Variants in SNX9 observed in about 807,000 individuals in gnomAD.
The protein encoded by SNX9 is sorting nexin 9.
Under a neutral mutation model 89.4 loss-of-function variants are expected in SNX9, and 44 were observed. The ratio of observed to expected loss-of-function variants is 0.49; its 90% CI spans 0.39 to 0.63. The LOEUF (loss-of-function observed/expected upper bound fraction) is 0.63, where lower values mean the gene tolerates loss of function less well. SNX9 is among the 30% of genes least tolerant of loss of function. The pLI, the probability that SNX9 is intolerant of heterozygous loss-of-function variation, is 0.00. For missense variants in SNX9, 578 were observed against 736.1 expected (o/e 0.79, Z 2.49); for synonymous variants, 236 against 247.8 (o/e 0.95, Z 0.45).
chr6:157,860,001 A>C (rs956403154), intron 1 of SNX9, among the ~76,000 whole-genome samples: 9 of 152,234 alleles, frequency 5.9e-5, no homozygotes, highest in Non-Finnish European at 1.2e-4. Context: ...GTTCCACTGG[A>C]ACGTGGCCAT....
intron 12 of SNX9, among the ~76,000 whole-genome samples, chr6:157,931,028 T>A (rs1300466464): frequency 6.6e-6 from 1 of 152,260 alleles, no homozygotes; most frequent in African/African-American, 2.4e-5. Flanking sequence ...CTCCATGTCC[T>A]GTGTAATTCA....
chr6:157,903,573 A>C (rs1783150845), intron 6 of SNX9, among the ~76,000 whole-genome samples: 1 of 152,214 alleles, frequency 6.6e-6, no homozygotes, highest in Admixed American at 6.5e-5. Context: ...TTAAATGTGA[A>C]TATAAAGTAT....
chr6:157,889,887 A>C (rs1033527), intron 4 of SNX9, among the ~76,000 whole-genome samples: 25,960 of 152,154 alleles, frequency 0.17, 2,354 homozygotes, highest in African/African-American at 0.2. Flanking sequence ...CCTCTACTGA[A>C]TGCATACTGT....
At chr6:157,864,604 T>C (rs562979815) in intron 1 of SNX9, among the ~76,000 whole-genome samples, 2 of 152,340 alleles carry the variant, frequency 1.3e-5, no homozygotes, top group East Asian at 3.9e-4. Flanking sequence ...AGGTTCCTCA[T>C]GCCCGTGAGT....
intron 1 of SNX9, among the ~76,000 whole-genome samples, chr6:157,826,352 T>C (rs1286507290): frequency 6.6e-6 from 1 of 151,630 alleles, no homozygotes; most frequent in African/African-American, 2.4e-5. Context: ...CAAAAAAAAT[T>C]AGCTGGGCGT....
chr6:157,909,810 A>G lies in SNX9; in HGVS notation c.831+20A>G, dbSNP rs1783299591. 6.2e-7 allele frequency: 1 copy of G among 1,613,352 alleles called. No homozygotes were observed. Among genetic ancestry groups the G allele is most frequent in the Non-Finnish European group, 8.5e-7 (1 of 1,179,668 alleles). ...CCTACTGTAAGTATCCACGTTATCA[A>G]AAGCAGAATCATGTTTGGATCACTG... On this transcript the variant is annotated intron_variant, in intron 8 of 17. Transcript: ENST00000392185.
chr6:157,939,567 T>A (rs569351713), intron 16 of SNX9, among the ~76,000 whole-genome samples: 1 of 152,130 alleles, frequency 6.6e-6, no homozygotes, highest in African/African-American at 2.4e-5. Context: ...GATGTGGTAC[T>A]GGGGAGAAGA....
At chr6:157,914,463 CTTTTTCTTT>C (rs1158142218) in intron 9 of SNX9, among the ~76,000 whole-genome samples, 6 of 96,626 alleles carry the variant, frequency 6.2e-5, no homozygotes, top group Non-Finnish European at 1.2e-4. Context: ...TTGTCATTTT[CTTTTTCTTT>C]TTTTTTTTTT....
intron 1 of SNX9, among the ~76,000 whole-genome samples, chr6:157,842,354 G>T (rs1259520904): frequency 6.6e-6 from 1 of 152,164 alleles, no homozygotes; most frequent in African/African-American, 2.4e-5. Context: ...TGCATGTCTT[G>T]CTTTTATCTT....
At chr6:157,873,787 C>G (rs1372722054) in intron 3 of SNX9, among the ~76,000 whole-genome samples, 1 of 152,036 alleles carries the variant, frequency 6.6e-6, no homozygotes, top group Non-Finnish European at 1.5e-5. Flanking sequence ...TTCCCATAGA[C>G]AGAGGGGTGT....
chr6:157,921,894 G>T (rs538561590), intron 10 of SNX9, among the ~76,000 whole-genome samples: 2 of 152,314 alleles, frequency 1.3e-5, no homozygotes, highest in Admixed American at 6.5e-5. Context: ...CTCAAGATGG[G>T]CAGGGGCAGG....
intron 2 of SNX9, chr6:157,872,790 C>CA: frequency 5.6e-6 from 1 of 179,156 alleles, no homozygotes. Context: ...GCTTCACATT[C>CA]AGAGCTGCAA....
intron 1 of SNX9, among the ~76,000 whole-genome samples, chr6:157,866,431 G>C (rs1440251397): frequency 6.6e-6 from 1 of 152,062 alleles, no homozygotes; most frequent in Non-Finnish European, 1.5e-5. Context: ...AAAATTAGCT[G>C]GGCAGGGTGG....
intron 1 of SNX9, among the ~76,000 whole-genome samples, chr6:157,855,513 G>A (rs1335328674): frequency 6.6e-6 from 1 of 152,174 alleles, no homozygotes; most frequent in Non-Finnish European, 1.5e-5. Context: ...TAAACCTTAT[G>A]CCCTTACCAG....
chr6:157,937,896 C>G (rs780790398), intron 15 of SNX9, among the ~76,000 whole-genome samples: 315 of 152,346 alleles, frequency 2.1e-3, no homozygotes, highest in Non-Finnish European at 2.9e-3. Flanking sequence ...TGCTTTATAA[C>G]TTAAATATCA....
At chr6:157,932,091 A>G (rs1783822766) in intron 12 of SNX9, 104 bp from the exon 13 acceptor site, 2 of 931,248 alleles carry the variant, frequency 2.1e-6, no homozygotes, top group Non-Finnish European at 3.4e-6. Flanking sequence ...TATATAGACT[A>G]TTTTGAATCA....
chr6:157,903,071 G>A (rs963032931), intron 6 of SNX9, among the ~76,000 whole-genome samples: 11 of 152,296 alleles, frequency 7.2e-5, no homozygotes, highest in African/African-American at 2.6e-4. Context: ...CCTAAATAAG[G>A]CTGTAGTCTA....
chr6:157,833,639 C>T (rs1362637006), intron 1 of SNX9, among the ~76,000 whole-genome samples: 1 of 152,106 alleles, frequency 6.6e-6, no homozygotes, highest in African/African-American at 2.4e-5. Flanking sequence ...GTAATTTTAC[C>T]TGCCACCATG....
chr6:157,932,136 G>C (rs1783823418), intron 12 of SNX9, 59 bp from the exon 13 acceptor site: 3 of 1,472,916 alleles, frequency 2.0e-6, no homozygotes, highest in Non-Finnish European at 2.8e-6. Flanking sequence ...TTAGGAAATA[G>C]TTTAATCCCA....
Sources: gnomAD v4.1 joint callset for allele counts (sites outside exome capture counted in the v4.1 genomes callset) on GRCh38, gnomAD v4.1.1 for gene constraint, MANE v1.5 for transcripts, NCBI Gene and HGNC (gene_info 2026-07-23, HGNC 2026-07-21) for gene names.